Variants in TRDN observed in about 807,000 individuals in gnomAD.
The protein encoded by TRDN is triadin.
A neutral mutation model predicts 149.7 loss-of-function variants in TRDN; 161 were observed. That is an observed-to-expected ratio of 1.08 (90% CI 0.95 to 1.23). TRDN has a LOEUF of 1.23. Among genes scored for constraint, TRDN ranks in the 50% most tolerant of loss-of-function variants. The probability of loss-of-function intolerance (pLI) is 0.00; values close to 1 mark genes in which losing one functional copy is unlikely to be tolerated. For missense variants in TRDN, 896 were observed against 823.5 expected (o/e 1.09, Z -1.08); for synonymous variants, 294 against 250.5 (o/e 1.17, Z -1.64).
intron 37 of TRDN, chr6:123,254,867 T>A (rs975963750): frequency 2.3e-6 from 1 of 432,862 alleles, no homozygotes; most frequent in Non-Finnish European, 4.3e-6. Flanking sequence ...TTCATGTTAA[T>A]GTTGCTAATA....
intron 12 of TRDN, chr6:123,437,282 C>A: frequency 3.8e-6 from 1 of 260,970 alleles, no homozygotes; most frequent in Non-Finnish European, 7.5e-6. Flanking sequence ...TTCTTTCTGA[C>A]CTTCAGCAGC....
At chr6:123,373,433 G>A (rs1368906764) in intron 19 of TRDN, among the ~76,000 whole-genome samples, 2 of 152,124 alleles carry the variant, frequency 1.3e-5, no homozygotes, top group Non-Finnish European at 2.9e-5. Flanking sequence ...ATTGCCCAGT[G>A]TGGGATATGT....
At chr6:123,585,326 T>G (rs12661848) in intron 1 of TRDN, among the ~76,000 whole-genome samples, 68,553 of 151,302 alleles carry the variant, frequency 0.45, 15,603 homozygotes, top group Middle Eastern at 0.51. Context: ...TATTGTCTAA[T>G]TTGGCACCAG....
chr6:123,634,300 G>C (rs1786175202), intron 1 of TRDN, among the ~76,000 whole-genome samples: 1 of 151,824 alleles, frequency 6.6e-6, no homozygotes, highest in African/African-American at 2.4e-5. Flanking sequence ...AATTAGCCAG[G>C]CATGGTGGTG....
At chr6:123,278,031 T>C (rs940056781) in intron 26 of TRDN, among the ~76,000 whole-genome samples, 3 of 152,224 alleles carry the variant, frequency 2.0e-5, no homozygotes, top group Non-Finnish European at 4.4e-5. Flanking sequence ...TGAATGTCTG[T>C]GTCCTACAAT....
At chr6:123,323,296 C>A (rs1039075903) in intron 23 of TRDN, among the ~76,000 whole-genome samples, 1 of 152,034 alleles carries the variant, frequency 6.6e-6, no homozygotes, top group Non-Finnish European at 1.5e-5. Flanking sequence ...TTCAGAGTGG[C>A]TACACGAACT....
chr6:123,544,458 A>AT (rs1183999539), intron 4 of TRDN, among the ~76,000 whole-genome samples: 1 of 152,074 alleles, frequency 6.6e-6, no homozygotes, highest in African/African-American at 2.4e-5. Context: ...TTCAAATGAC[A>AT]TTCAATTCCT....
At chr6:123,574,669 T>C (rs1782741615) in intron 1 of TRDN, among the ~76,000 whole-genome samples, 1 of 151,712 alleles carries the variant, frequency 6.6e-6, no homozygotes, top group Non-Finnish European at 1.5e-5. Context: ...AAGAATTTGC[T>C]TTTGCACTTC....
At chr6:123,584,319 A>G (rs1258274416) in intron 1 of TRDN, among the ~76,000 whole-genome samples, 1 of 152,054 alleles carries the variant, frequency 6.6e-6, no homozygotes, top group Non-Finnish European at 1.5e-5. Flanking sequence ...TGTAGAGAGT[A>G]AGTTGAGCAT....
At chr6:123,530,435 AT>A in intron 5 of TRDN, 70 bp downstream of exon 5, 1 of 939,302 alleles carries the variant, frequency 1.1e-6, no homozygotes. Flanking sequence ...TAAACATGAA[AT>A]TTTTTCTCGC....
At chr6:123,599,655 C>T (rs1583306464) in intron 1 of TRDN, among the ~76,000 whole-genome samples, 1 of 151,754 alleles carries the variant, frequency 6.6e-6, no homozygotes, top group Non-Finnish European at 1.5e-5. Flanking sequence ...ATTTGGAGCA[C>T]AAATGTATTT....
intron 26 of TRDN, among the ~76,000 whole-genome samples, chr6:123,276,027 C>T (rs1777357148): frequency 6.6e-6 from 1 of 152,076 alleles, no homozygotes; most frequent in African/African-American, 2.4e-5. Context: ...CCTTACAGGG[C>T]AAAGCCAAAA....
intron 1 of TRDN, among the ~76,000 whole-genome samples, chr6:123,630,585 C>G (rs9482418): frequency 0.15 from 22,064 of 151,220 alleles, 3,409 homozygotes; most frequent in African/African-American, 0.4. Flanking sequence ...ATAATGATAA[C>G]CAAAAATAAA....
intron 14 of TRDN, among the ~76,000 whole-genome samples, chr6:123,383,790 G>C (rs1038593242): frequency 1.3e-5 from 2 of 151,930 alleles, no homozygotes; most frequent in Non-Finnish European, 2.9e-5. Context: ...TAAATAATTA[G>C]GCAAGATTTT....
chr6:123,630,045 A>C (rs1255591077), intron 1 of TRDN, among the ~76,000 whole-genome samples: 1 of 151,994 alleles, frequency 6.6e-6, no homozygotes, highest in Non-Finnish European at 1.5e-5. Context: ...AGACAGCAAA[A>C]ACTTAACCTT....
At chr6:123,502,919 A>C (rs1416799819) in intron 8 of TRDN, 11 of 985,218 alleles carry the variant, frequency 1.1e-5, no homozygotes, top group African/African-American at 1.7e-5. Context: ...TAGGAAAAGA[A>C]ACATTCAATA....
At chr6:123,620,403 G>A (rs1002294588) in intron 1 of TRDN, among the ~76,000 whole-genome samples, 2 of 152,028 alleles carry the variant, frequency 1.3e-5, no homozygotes, top group African/African-American at 4.8e-5. Context: ...CTCTGATCTG[G>A]GAGAATAAAA....
Position 123,439,022 on chromosome 6 carries a change from A to G in TRDN, c.932-19T>C. ...TCTTTTTCTAGAGAATACATTTAAA[A>G]TATTTCCTTTAGGGAAATTTAGTAT... On this transcript the variant is annotated intron_variant, in intron 10 of 40. Transcript: ENST00000334268. 2 of 1,531,646 alleles carry G rather than the reference A, an allele frequency of 1.3e-6. No homozygotes were observed. The highest frequency in any genetic ancestry group is 1.8e-6 in the Non-Finnish European group (2 of 1,136,504). 94.9% of individuals were successfully genotyped at this position (1,531,646 alleles called of 1,614,324 possible). A position where few individuals can be genotyped will look rare whatever the true frequency, so the allele number is the denominator to read the frequency against.
intron 10 of TRDN, 50 bp downstream of exon 10, chr6:123,464,856 A>G: frequency 6.5e-7 from 1 of 1,545,604 alleles, no homozygotes. Context: ...GTTCCTCTAC[A>G]TTCTATTTTA....
Sources: allele counts gnomAD v4.1 joint callset (sites outside exome capture counted in the v4.1 genomes callset), GRCh38; gene constraint gnomAD v4.1.1; transcripts MANE v1.5; gene names NCBI Gene and HGNC (gene_info 2026-07-23, HGNC 2026-07-21).